PLCH2: variants seen among roughly 807,000 people sequenced by gnomAD.
PLCH2 encodes the protein 1-phosphatidylinositol 4,5-bisphosphate phosphodiesterase eta-2.
Under a neutral mutation model 134.7 loss-of-function variants are expected in PLCH2, and 98 were observed. The observed-to-expected ratio is 0.73, with a 90% CI of 0.62 to 0.86. The LOEUF (loss-of-function observed/expected upper bound fraction) is 0.86, where lower values mean the gene tolerates loss of function less well. Ranked by LOEUF, PLCH2 falls within the 40% of genes least tolerant of loss-of-function variation. The pLI is 0.00. For missense variants in PLCH2, 1,994 were observed against 1,986.6 expected, an observed-to-expected ratio of 1.00 and a Z score of -0.07; for synonymous variants, 974 against 827.5, an observed-to-expected ratio of 1.18 and a Z score of -3.04.
chr1:2,450,676 A>ACCCCCCGCTCCCCACCTGC (rs1343637072), intron 2 of PLCH2, among the ~76,000 whole-genome samples: 1 of 7,524 alleles, frequency 1.3e-4, no homozygotes, highest in South Asian at 5.9e-3. Context: ...CTCCCCGCCT[A>ACCCCCCGCTCCCCACCTGC]CCCCCCTCTC....
chr1:2,450,777 C>G lies in PLCH2; in HGVS notation c.115+20148C>G, dbSNP rs1021809957. Among the ~76,000 whole-genome samples the G allele has an allele frequency of 1.0e-4, 13 of 128,518 alleles. No individual in the cohort carries two copies. The Admixed American group carries it at 1.0e-3, about 10-fold the overall frequency. The allele number at this position is 128,518 out of a possible 152,430, so 84.3% of individuals were successfully genotyped here. On this transcript the variant is annotated intron_variant, in intron 2 of 3. Transcript: ENST00000609981. ...GACTGTTGCATCCCAGGTTCCAGAC[C>G]CTTGGACCAGGCGCGTTCAAGGCCA...
At position 2,505,307 on chromosome 1, in the gene PLCH2, CTG is replaced by C. The variant is rs1210387988; in HGVS notation, c.*98_*99del. On this transcript the variant is annotated 3_prime_UTR_variant, in exon 22 of 22. Transcript: ENST00000378486. The stretch of plus-strand genomic sequence containing the variant: ...AAACAGGGCAGCCAGGCCCCCAAAA[CTG>C]TGTCCCCCTGGCTGCCCTGTGTCCC... 2.1e-6 allele frequency: 2 copies of C among 932,034 alleles called. No individual in the cohort carries two copies. Among genetic ancestry groups the C allele is most frequent in the Non-Finnish European group, 3.1e-6 (2 of 636,092 alleles). The allele number at this position is 932,034 out of a possible 1,614,324, so 57.7% of individuals were successfully genotyped here. A position where few individuals can be genotyped will look rare whatever the true frequency, so the allele number is the denominator to read the frequency against.
chr1:2,437,797 A>G (rs1300283073), intron 2 of PLCH2, among the ~76,000 whole-genome samples: 2 of 152,206 alleles, frequency 1.3e-5, no homozygotes, highest in African/African-American at 4.8e-5. Flanking sequence ...ACACATAGGG[A>G]AACACATGTG....
rs1482658332 is a variant in PLCH2, at chr1:2,478,542, G to C, written c.191G>C (p.Gly64Ala). Residue 64 changes from glycine to alanine, a missense_variant, in exon 2 of 22, where the codon GGC becomes GCC. By Grantham distance (60) the Gly-to-Ala change is moderately conservative. Transcript: ENST00000378486. ...GTGAAGCTGCGTGGCGGCTCCAAGG[G>C]CCTGGTCCGCTTCTACTACCTGGAC... ...QMVKLRGGSK[G>A]LVRFYYLDEH... 7 of 1,612,828 alleles carry C rather than the reference G, an allele frequency of 4.3e-6. No individual in the cohort carries two copies. The highest frequency in any genetic ancestry group is 5.9e-6 in the Non-Finnish European group (7 of 1,179,786).
chr1:2,482,440 G>A (rs1265658103), intron 4 of PLCH2, among the ~76,000 whole-genome samples: 1 of 152,190 alleles, frequency 6.6e-6, no homozygotes, highest in East Asian at 1.9e-4. Context: ...CAGACTTGGG[G>A]CTACCCTCAC....
chr1:2,416,646 G>C, the PLCH2 span, among the ~76,000 whole-genome samples: 2 of 152,366 alleles, frequency 1.3e-5, no homozygotes, highest in South Asian at 4.1e-4. Context: ...AGATGGGGAG[G>C]GCGGGGCCCG....
rs1639836831 is a variant in PLCH2, at chr1:2,444,298, G to C, written c.115+13669G>C. On this transcript the variant is annotated intron_variant, in intron 2 of 3. Transcript: ENST00000609981. The surrounding 1 kb of genome is among the most constrained non-coding windows in gnomAD (Gnocchi z 4.6). ...TGAGAATGACCCCTGCTGAGCCCAG[G>C]CCGGGCACCCCGATCCCTGCCGGAT... Among the ~76,000 whole-genome samples the C allele has an allele frequency of 6.6e-6, 1 of 152,232 alleles. No individual in the cohort carries two copies. The highest frequency in any genetic ancestry group is 2.1e-4 in the South Asian group (1 of 4,838).
chr1:2,472,494 C>T (rs890735272), upstream of PLCH2, among the ~76,000 whole-genome samples: 1 of 152,054 alleles, frequency 6.6e-6, no homozygotes, highest in Non-Finnish European at 1.5e-5. Flanking sequence ...AGCATCTGGC[C>T]CTCATGCCTC....
At chr1:2,460,495 G>C (rs1021360682) in intron 2 of PLCH2, among the ~76,000 whole-genome samples, 1 of 152,248 alleles carries the variant, frequency 6.6e-6, no homozygotes, top group Non-Finnish European at 1.5e-5. Flanking sequence ...GGCCGTGTGG[G>C]CTCCCTCTGG....
intron 20 of PLCH2, chr1:2,500,217 C>T (rs1164614328): frequency 5.8e-6 from 1 of 171,750 alleles, no homozygotes; most frequent in Non-Finnish European, 1.3e-5. Context: ...TCGGCTTCCG[C>T]AGGAAGTGGT....
In PLCH2 at chr1:2,504,653, C is replaced by T; in HGVS notation, c.3691C>T (p.Leu1231Phe). The change falls in exon 22 of 22, where the codon CTC becomes TTC. Residue 1231 changes from leucine (L) to phenylalanine (F), a missense_variant. Coordinates refer to ENST00000378486, the MANE Select transcript of PLCH2 (RefSeq NM_014638.4). ...GTCCCTGGCCCCAAGGATGGCTGGCCTCCCCTTCCGGCCTCCCTGGGGCTG... is the reference window on the plus strand; with the variant it reads ...GTCCCTGGCCCCAAGGATGGCTGGCTTCCCCTTCCGGCCTCCCTGGGGCTG... The part of the protein sequence containing the change: ...PRSLAPRMAG[L>F]PFRPPWGCLS... 1.2e-6 allele frequency: 2 copies of T among 1,612,638 alleles called. No individual in the cohort carries two copies. Among genetic ancestry groups the T allele is most frequent in the South Asian group, 1.1e-5 (1 of 91,084 alleles).
intron 2 of PLCH2, among the ~76,000 whole-genome samples, chr1:2,447,940 C>T (rs925977820): frequency 1.3e-5 from 2 of 152,212 alleles, no homozygotes; most frequent in Non-Finnish European, 2.9e-5. Context: ...TCGGCCCCTG[C>T]TTATCCCTCC....
chr1:2,489,419 G>T (rs759332276), intron 9 of PLCH2, 41 bp downstream of exon 9: 1 of 1,601,206 alleles, frequency 6.2e-7, no homozygotes. Flanking sequence ...CTCACACAGA[G>T]TCTCGGGCCT....
In PLCH2 at chr1:2,484,603, G is replaced by T; in HGVS notation, c.801G>T (p.Leu267=). 1 of 1,611,950 alleles carries T rather than the reference G, an allele frequency of 6.2e-7. No individual in the cohort carries two copies. The highest frequency in any genetic ancestry group is 8.5e-7 in the Non-Finnish European group (1 of 1,179,750). Residue 267 remains leucine (L), a synonymous_variant, in exon 5 of 22, where the codon CTG becomes CTT. Coordinates refer to ENST00000378486, the MANE Select transcript of PLCH2 (RefSeq NM_014638.4). ...ATGCCGCCAGCCTGCAGCGCTTCCT[G>T]CAGGTGGAGCAGAAGGTGTGCTGCC... The part of the protein sequence containing the change: ...HLDAASLQRF[L]QVEQKMAGVT...
the PLCH2 span, among the ~76,000 whole-genome samples, chr1:2,419,006 G>A: frequency 6.6e-6 from 1 of 152,192 alleles, no homozygotes; most frequent in Admixed American, 6.5e-5. Flanking sequence ...CCCCATCCTC[G>A]GGGTCTGTGC....
chr1:2,472,904 T>C (rs1004652197), upstream of PLCH2, among the ~76,000 whole-genome samples: 4 of 151,642 alleles, frequency 2.6e-5, no homozygotes, highest in Non-Finnish European at 4.4e-5. Flanking sequence ...CTGCCCCGGG[T>C]GTGTGTGTAC....
intron 1 of PLCH2, among the ~76,000 whole-genome samples, chr1:2,428,711 C>T (rs1468743237): frequency 9.9e-5 from 15 of 152,242 alleles, no homozygotes; most frequent in Admixed American, 7.2e-4. Flanking sequence ...AGGAACCTGC[C>T]GGTCTCCGGC....
chr1:2,419,195 C>T, the PLCH2 span, among the ~76,000 whole-genome samples: 1 of 152,214 alleles, frequency 6.6e-6, no homozygotes, highest in South Asian at 2.1e-4. Context: ...CATCTGTCCC[C>T]TCCCAGGCTG....
intron 4 of PLCH2, among the ~76,000 whole-genome samples, chr1:2,480,516 A>C (rs898704432): frequency 6.6e-6 from 1 of 152,202 alleles, no homozygotes; most frequent in African/African-American, 2.4e-5. Flanking sequence ...GTGGGTGCCC[A>C]GGTGCTGCCT....
Sources: allele counts gnomAD v4.1 joint callset (sites outside exome capture counted in the v4.1 genomes callset), GRCh38; gene constraint gnomAD v4.1.1; non-coding constraint Gnocchi (gnomAD v3.1); transcripts MANE v1.5; gene names NCBI Gene and HGNC (gene_info 2026-07-23, HGNC 2026-07-21).